The following TENT2 variants were observed in gnomAD, a reference collection of about 807,000 sequenced individuals.
TENT2 encodes the protein terminal nucleotidyltransferase 2.
In TENT2, 44 loss-of-function variants were observed where a neutral mutation model predicts 72.2. The ratio of observed to expected loss-of-function variants is 0.61; its 90% CI spans 0.48 to 0.78. The LOEUF (loss-of-function observed/expected upper bound fraction) is 0.78. Among genes scored for constraint, TENT2 ranks in the 30% least tolerant of loss-of-function variants. TENT2 has a pLI of 0.00. For missense variants in TENT2, 541 were observed against 569.6 expected (o/e 0.95, Z 0.51); for synonymous variants, 212 against 192.5 (o/e 1.10, Z -0.84).
intron 11 of TENT2, among the ~76,000 whole-genome samples, chr5:79,660,702 G>A (rs1166892045): frequency 6.6e-6 from 1 of 152,142 alleles, no homozygotes; most frequent in Non-Finnish European, 1.5e-5. Context: ...AAATATTCCT[G>A]TCACTTGGTT....
intron 9 of TENT2, 27 bp downstream of exon 9, chr5:79,648,720 A>G (rs1791142846): frequency 6.6e-7 from 1 of 1,511,400 alleles, no homozygotes; most frequent in Admixed American, 2.0e-5. Flanking sequence ...TTTATTAAAA[A>G]TTAGCCTTTT....
chr5:79,685,114 CCAA>C, intron 14 of TENT2, 82 bp from the exon 15 acceptor site: 1 of 1,060,892 alleles, frequency 9.4e-7, no homozygotes, highest in Non-Finnish European at 1.4e-6. Context: ...CTAGAGAGAA[CCAA>C]CTATTAACAT....
chr5:79,687,361 G>A lies in TENT2; in HGVS notation c.*2088G>A, dbSNP rs1165361741. ...TGTTTGTGTTGATCTGTCCATTTCT[G>A]TATATAGTTGTCCCTCAGTATATTG... On this transcript the variant is annotated 3_prime_UTR_variant, in exon 15 of 15. Coordinates refer to ENST00000453514, the MANE Select transcript of TENT2 (RefSeq NM_001114394.3). Among the ~76,000 whole-genome samples, 1 of 151,972 alleles carries A rather than the reference G, an allele frequency of 6.6e-6. No individual in the cohort carries two copies. The highest frequency in any genetic ancestry group is 2.4e-5 in the African/African-American group (1 of 41,364).
intron 13 of TENT2, among the ~76,000 whole-genome samples, chr5:79,680,040 T>C (rs1040803945): frequency 6.6e-6 from 1 of 152,166 alleles, no homozygotes; most frequent in Admixed American, 6.5e-5. Context: ...AGTTGGACTT[T>C]TATTAATAGA....
At chr5:79,679,374 G>A (rs193018235) in intron 12 of TENT2, among the ~76,000 whole-genome samples, 1 of 152,134 alleles carries the variant, frequency 6.6e-6, no homozygotes, top group East Asian at 1.9e-4. Flanking sequence ...AATAGTAAAT[G>A]TAAGAAACAA....
At chr5:79,681,838 A>C (rs3736401) in intron 13 of TENT2, 144 bp from the exon 14 acceptor site, 82,904 of 588,994 alleles carry the variant, frequency 0.14, 8,811 homozygotes, top group African/African-American at 0.42. Context: ...ACATAAATCT[A>C]ATAAAGATAT....
chr5:79,662,597 A>AT (rs1280489603), intron 11 of TENT2, among the ~76,000 whole-genome samples: 1 of 152,182 alleles, frequency 6.6e-6, no homozygotes, highest in Non-Finnish European at 1.5e-5. Context: ...GAGCTCTTTG[A>AT]TGAGTAGGTG....
intron 10 of TENT2, among the ~76,000 whole-genome samples, chr5:79,650,019 C>T (rs1792475724): frequency 6.6e-6 from 1 of 151,900 alleles, no homozygotes; most frequent in Non-Finnish European, 1.5e-5. Context: ...AATAACTAAC[C>T]AACTGAACAT....
intron 12 of TENT2, among the ~76,000 whole-genome samples, chr5:79,670,510 A>C (rs1580614498): frequency 6.6e-6 from 1 of 151,636 alleles, no homozygotes; most frequent in East Asian, 2.0e-4. Context: ...TTTTTAGTAG[A>C]GATGGGGTTT....
At chr5:79,663,666 A>G (rs145688669) in intron 11 of TENT2, among the ~76,000 whole-genome samples, 156 of 152,342 alleles carry the variant, frequency 1.0e-3, no homozygotes, top group African/African-American at 3.4e-3. Context: ...AAACAATTAC[A>G]GTAGTAACAT....
intron 4 of TENT2, among the ~76,000 whole-genome samples, 182 bp from the exon 5 acceptor site, chr5:79,640,669 G>A (rs1256946276): frequency 6.6e-6 from 1 of 152,066 alleles, no homozygotes; most frequent in African/African-American, 2.4e-5. Flanking sequence ...TTTATGTGTG[G>A]TTTTTCAGAC....
chr5:79,628,241 A>G (rs1017146266), intron 4 of TENT2, among the ~76,000 whole-genome samples: 1 of 152,240 alleles, frequency 6.6e-6, no homozygotes, highest in East Asian at 1.9e-4. Flanking sequence ...TGTAGAGTAT[A>G]AAGTGAGTGA....
intron 4 of TENT2, among the ~76,000 whole-genome samples, chr5:79,623,857 CAT>C (rs1370500748): frequency 6.6e-6 from 1 of 151,032 alleles, no homozygotes. Flanking sequence ...TGTGTTATAA[CAT>C]GAGGTTTTTT....
intron 4 of TENT2, chr5:79,623,793 T>C (rs1323682485): frequency 9.4e-6 from 2 of 212,240 alleles, no homozygotes; most frequent in Non-Finnish European, 1.9e-5. Flanking sequence ...AAAAAAAAAG[T>C]TGTCATATAG....
chr5:79,650,618 G>T (rs1793113363), intron 10 of TENT2, among the ~76,000 whole-genome samples: 1 of 152,070 alleles, frequency 6.6e-6, no homozygotes, highest in Admixed American at 6.6e-5. Context: ...AGCAGCTTGG[G>T]CTTGGAAAGT....
chr5:79,666,487 G>C (rs1808115655), intron 11 of TENT2, among the ~76,000 whole-genome samples: 1 of 151,460 alleles, frequency 6.6e-6, no homozygotes, highest in Non-Finnish European at 1.5e-5. Context: ...TACCTGGAAC[G>C]ACAGCAGTCA....
chr5:79,681,216 G>T (rs1352907273), intron 13 of TENT2, among the ~76,000 whole-genome samples: 6 of 123,954 alleles, frequency 4.8e-5, no homozygotes, highest in Non-Finnish European at 6.3e-5. Flanking sequence ...CTGGAGTGCA[G>T]TGGCGTGATC....
chr5:79,626,021 G>A (rs1297058243), intron 4 of TENT2, among the ~76,000 whole-genome samples: 1 of 151,972 alleles, frequency 6.6e-6, no homozygotes, highest in Non-Finnish European at 1.5e-5. Context: ...TAGAGACGGG[G>A]TTTCACCATG....
intron 4 of TENT2, among the ~76,000 whole-genome samples, chr5:79,640,055 G>A (rs1165587385): frequency 6.6e-6 from 1 of 152,032 alleles, no homozygotes; most frequent in Non-Finnish European, 1.5e-5. Flanking sequence ...TCAGGGGTTC[G>A]AGAGCAGCCT....
Sources: allele counts gnomAD v4.1 joint callset (sites outside exome capture counted in the v4.1 genomes callset), GRCh38; gene constraint gnomAD v4.1.1; transcripts MANE v1.5; gene names NCBI Gene and HGNC (gene_info 2026-07-23, HGNC 2026-07-21).